KDM4C: variants seen among roughly 807,000 people sequenced by gnomAD.
The protein encoded by KDM4C is lysine demethylase 4C.
A neutral mutation model predicts 129.3 loss-of-function variants in KDM4C; 81 were observed. The observed-to-expected ratio is 0.63, with a 90% CI of 0.52 to 0.75. The LOEUF (loss-of-function observed/expected upper bound fraction) is 0.75, where lower values mean the gene tolerates loss of function less well. Among genes scored for constraint, KDM4C ranks in the 30% least tolerant of loss-of-function variants. KDM4C has a pLI of 0.00. For missense variants in KDM4C, 1,457 were observed against 1,304.0 expected, an observed-to-expected ratio of 1.12 and a Z score of -1.81; for synonymous variants, 573 against 456.1, an observed-to-expected ratio of 1.26 and a Z score of -3.26.
intron 19 of KDM4C, among the ~76,000 whole-genome samples, chr9:7,130,925 ATTT>A (rs111274021): frequency 7.0e-6 from 1 of 142,588 alleles, no homozygotes; most frequent in Non-Finnish European, 1.5e-5. Context: ...TGCCTGGCTA[ATTT>A]TTTTTTTTTT....
chr9:6,937,914 G>A (rs1223278160), intron 8 of KDM4C, among the ~76,000 whole-genome samples: 1 of 152,074 alleles, frequency 6.6e-6, no homozygotes, highest in African/African-American at 2.4e-5. Context: ...GATTCACCAT[G>A]TTGGCCAGGC....
intron 12 of KDM4C, among the ~76,000 whole-genome samples, chr9:7,000,477 T>C (rs940163683): frequency 2.6e-5 from 4 of 152,218 alleles, no homozygotes; most frequent in African/African-American, 9.6e-5. Context: ...TGGGTTCATG[T>C]ATGCCTTGTT....
intron 8 of KDM4C, among the ~76,000 whole-genome samples, chr9:6,896,006 T>G (rs1816367932): frequency 6.6e-6 from 1 of 152,192 alleles, no homozygotes; most frequent in Non-Finnish European, 1.5e-5. Context: ...GACACATATT[T>G]TTGATCTCCA....
At chr9:6,793,163 A>G (rs201685619) in intron 2 of KDM4C, 31 bp downstream of exon 2, 202 of 1,598,372 alleles carry the variant, frequency 1.3e-4, no homozygotes, top group Non-Finnish European at 1.7e-4. Context: ...TAAATGAAAA[A>G]CAATCACTTG....
chr9:7,047,797 GA>G (rs1278661699), intron 16 of KDM4C, among the ~76,000 whole-genome samples: 2 of 151,918 alleles, frequency 1.3e-5, no homozygotes, highest in African/African-American at 4.8e-5. Flanking sequence ...AACAAGTTGG[GA>G]TAGAACCCAG....
At chr9:7,023,250 C>G (rs1008424213) in intron 15 of KDM4C, among the ~76,000 whole-genome samples, 1 of 152,124 alleles carries the variant, frequency 6.6e-6, no homozygotes, top group African/African-American at 2.4e-5. Context: ...GAATTCAGCA[C>G]TGAAGCCATT....
chr9:6,893,325 C>G, intron 8 of KDM4C, 93 bp downstream of exon 8: 1 of 1,008,070 alleles, frequency 9.9e-7, no homozygotes, highest in South Asian at 2.0e-5. Flanking sequence ...TTTATTTATT[C>G]TTCCTCACTG....
At chr9:6,722,224 C>T (rs981210089) in intron 1 of KDM4C, among the ~76,000 whole-genome samples, 10 of 152,168 alleles carry the variant, frequency 6.6e-5, no homozygotes, top group Middle Eastern at 3.4e-3. Flanking sequence ...GATAAGACTC[C>T]CTGGGATCTT....
intron 17 of KDM4C, among the ~76,000 whole-genome samples, chr9:7,058,233 A>G (rs570113543): frequency 1.3e-5 from 2 of 151,478 alleles, no homozygotes; most frequent in South Asian, 4.2e-4. Context: ...TGTTTGGAAC[A>G]GAGCTGTGGT....
intron 18 of KDM4C, among the ~76,000 whole-genome samples, chr9:7,126,121 T>G (rs149458851): frequency 7.6e-4 from 116 of 152,298 alleles, no homozygotes; most frequent in African/African-American, 2.7e-3. Flanking sequence ...CATTTATTCT[T>G]AAGTCTTGTT....
At chr9:7,062,136 T>G (rs1831779757) in intron 17 of KDM4C, among the ~76,000 whole-genome samples, 1 of 152,070 alleles carries the variant, frequency 6.6e-6, no homozygotes, top group Non-Finnish European at 1.5e-5. Flanking sequence ...CACTGGCCAA[T>G]TTTTTGTATT....
chr9:7,094,775 A>T (rs1447196672), intron 17 of KDM4C, among the ~76,000 whole-genome samples: 3 of 152,190 alleles, frequency 2.0e-5, no homozygotes, highest in Non-Finnish European at 4.4e-5. Context: ...TTGGAGACAC[A>T]GTGTGTGGGT....
intron 8 of KDM4C, among the ~76,000 whole-genome samples, chr9:6,923,126 C>T (rs766463182): frequency 2.4e-4 from 36 of 152,000 alleles, no homozygotes; most frequent in Non-Finnish European, 4.4e-4. Context: ...TTACTCTTTA[C>T]GGGTTTGTAA....
chr9:6,925,597 C>T, intron 8 of KDM4C: 2 of 985,400 alleles, frequency 2.0e-6, no homozygotes, highest in East Asian at 1.1e-4. Flanking sequence ...CTGGGCAGAC[C>T]CTCAGTTCTA....
intron 17 of KDM4C, among the ~76,000 whole-genome samples, chr9:7,055,738 G>C (rs1830783673): frequency 6.6e-6 from 1 of 152,170 alleles, no homozygotes; most frequent in Admixed American, 6.5e-5. Context: ...ACTGACTCAT[G>C]TTATCAGATA....
chr9:6,819,386 A>T (rs1178914973), intron 4 of KDM4C, among the ~76,000 whole-genome samples: 3 of 152,242 alleles, frequency 2.0e-5, no homozygotes, highest in Non-Finnish European at 2.9e-5. Flanking sequence ...TTAAAATCCA[A>T]TGAACAAAAT....
intron 17 of KDM4C, among the ~76,000 whole-genome samples, chr9:7,067,836 C>CAAGA (rs1191944913): frequency 1.3e-5 from 2 of 151,868 alleles, no homozygotes; most frequent in African/African-American, 4.8e-5. Context: ...TGCCCTGTTG[C>CAAGA]CCAGGATGGA....
intron 7 of KDM4C, among the ~76,000 whole-genome samples, chr9:6,892,423 A>G (rs1453240922): frequency 3.3e-5 from 5 of 152,192 alleles, no homozygotes; most frequent in African/African-American, 7.2e-5. Context: ...TTTAATCTAA[A>G]AAATAGAAAC....
chr9:7,047,818 G>T (rs1393954038), intron 16 of KDM4C, among the ~76,000 whole-genome samples: 1 of 151,870 alleles, frequency 6.6e-6, no homozygotes, highest in African/African-American at 2.4e-5. Flanking sequence ...GTGTCAGTGG[G>T]GCAGGTACTC....
Sources: gnomAD v4.1 joint callset for allele counts (sites outside exome capture counted in the v4.1 genomes callset) on GRCh38, gnomAD v4.1.1 for gene constraint, MANE v1.5 for transcripts, NCBI Gene and HGNC (gene_info 2026-07-23, HGNC 2026-07-21) for gene names.